RBPJ: variants seen among roughly 807,000 people sequenced by gnomAD.
The protein encoded by RBPJ is recombining binding protein suppressor of hairless.
Under a neutral mutation model 67.8 loss-of-function variants are expected in RBPJ, and 9 were observed. The ratio of observed to expected loss-of-function variants is 0.13; its 90% CI spans 0.08 to 0.23. The LOEUF (loss-of-function observed/expected upper bound fraction) is 0.23. Among genes scored for constraint, RBPJ ranks in the 10% least tolerant of loss-of-function variants. RBPJ has a pLI of 1.00. For missense variants in RBPJ, 305 were observed against 595.6 expected (o/e 0.51, Z 5.08); for synonymous variants, 198 against 203.3 (o/e 0.97, Z 0.22).
chr4:26,188,205 TCACACACACACACATA>T (rs1302893867), intron 1 of RBPJ, among the ~76,000 whole-genome samples: 2 of 151,122 alleles, frequency 1.3e-5, no homozygotes, highest in African/African-American at 4.9e-5. Context: ...CAAGACTCTG[TCACACACACACACATA>T]CACACACACA....
intron 1 of RBPJ, among the ~76,000 whole-genome samples, chr4:26,270,961 G>C (rs1273194580): frequency 6.6e-6 from 1 of 151,882 alleles, no homozygotes; most frequent in Non-Finnish European, 1.5e-5. Flanking sequence ...AGTACAATAA[G>C]ACATTTTGAG....
chr4:26,199,182 A>G (rs764687961), intron 1 of RBPJ, among the ~76,000 whole-genome samples: 19 of 152,214 alleles, frequency 1.2e-4, no homozygotes, highest in Non-Finnish European at 2.1e-4. Flanking sequence ...ACGGTGGCTC[A>G]TGCCTATAAT....
chr4:26,155,151 G>A, the RBPJ span, among the ~76,000 whole-genome samples: 1 of 152,194 alleles, frequency 6.6e-6, no homozygotes, highest in African/African-American at 2.4e-5. Flanking sequence ...AAGGAGGGGT[G>A]AATACCTGTA....
chr4:26,113,607 C>T, the RBPJ span: 4 of 380,814 alleles, frequency 1.1e-5, no homozygotes, highest in East Asian at 2.2e-4. Flanking sequence ...TCCTTCTGCC[C>T]CAGGTCAGCC....
intron 1 of RBPJ, among the ~76,000 whole-genome samples, chr4:26,177,894 C>T (rs1716852129): frequency 2.0e-5 from 3 of 152,202 alleles, no homozygotes; most frequent in Non-Finnish European, 2.9e-5. Context: ...CCATTGGCCT[C>T]GTACGTCATA....
At chr4:26,320,847 C>A (rs895345320), upstream of RBPJ, 20 of 1,567,958 alleles carry the variant, frequency 1.3e-5, no homozygotes, top group Middle Eastern at 1.7e-4. Flanking sequence ...CGAGCAGGAT[C>A]CCCTACTCTG....
At chr4:26,202,751 A>G (rs1367480470) in intron 1 of RBPJ, among the ~76,000 whole-genome samples, 1 of 151,924 alleles carries the variant, frequency 6.6e-6, no homozygotes, top group East Asian at 1.9e-4. Flanking sequence ...TTACAAAAAC[A>G]TACAAAAACT....
intron 1 of RBPJ, among the ~76,000 whole-genome samples, chr4:26,214,754 AAAAGAGAGAAAAAAGAGAAAG>A (rs1227013763): frequency 1.8e-5 from 1 of 56,402 alleles, no homozygotes; most frequent in African/African-American, 1.0e-4. Context: ...GAGAAAGAGA[AAAAGAGAGAAAAAAGAGAAAG>A]AAAGAAAGAA....
chr4:26,176,568 C>T (rs1400379082), intron 1 of RBPJ, among the ~76,000 whole-genome samples: 2 of 152,204 alleles, frequency 1.3e-5, no homozygotes, highest in Non-Finnish European at 2.9e-5. Context: ...AGACTGCTCC[C>T]CTCCTGTAAA....
At chr4:26,336,949 CTGATGGTCTT>C (rs1724895947) in intron 1 of RBPJ, among the ~76,000 whole-genome samples, 1 of 151,976 alleles carries the variant, frequency 6.6e-6, no homozygotes, top group Non-Finnish European at 1.5e-5. Flanking sequence ...GCTTCTGCCC[CTGATGGTCTT>C]TGTTTAGCGT....
chr4:26,409,417 G>C (rs1733796779), intron 3 of RBPJ, among the ~76,000 whole-genome samples: 1 of 152,086 alleles, frequency 6.6e-6, no homozygotes, highest in Non-Finnish European at 1.5e-5. Flanking sequence ...AAAAGAAAAA[G>C]ATCCAACATA....
intron 1 of RBPJ, among the ~76,000 whole-genome samples, chr4:26,342,673 A>AT (rs965417495): frequency 1.2e-4 from 18 of 151,978 alleles, no homozygotes; most frequent in Admixed American, 7.9e-4. Context: ...TTTATGTGGA[A>AT]TTTTTTTTGT....
intron 1 of RBPJ, among the ~76,000 whole-genome samples, chr4:26,210,291 C>G (rs1718339478): frequency 9.9e-5 from 15 of 152,126 alleles, no homozygotes; most frequent in Admixed American, 9.8e-4. Context: ...CGCACAGGAT[C>G]CCCTCCTCTT....
At chr4:26,147,184 G>A in the RBPJ span, among the ~76,000 whole-genome samples, 1 of 152,234 alleles carries the variant, frequency 6.6e-6, no homozygotes, top group East Asian at 1.9e-4. Context: ...GTTGCAAACA[G>A]TAAAGCTGAC....
intron 1 of RBPJ, among the ~76,000 whole-genome samples, chr4:26,284,259 T>C (rs1339822779): frequency 1.3e-5 from 2 of 152,212 alleles, no homozygotes; most frequent in African/African-American, 4.8e-5. Flanking sequence ...CATGCTCTAA[T>C]GTATTTCCTT....
At chr4:26,350,807 T>G (rs1311282291) in intron 1 of RBPJ, among the ~76,000 whole-genome samples, 1 of 152,152 alleles carries the variant, frequency 6.6e-6, no homozygotes, top group Non-Finnish European at 1.5e-5. Flanking sequence ...TTGCCATCAT[T>G]TAATATGGGA....
chr4:26,127,527 C>G, the RBPJ span, among the ~76,000 whole-genome samples: 1 of 152,016 alleles, frequency 6.6e-6, no homozygotes, highest in Non-Finnish European at 1.5e-5. Context: ...CATGTCTTGC[C>G]CATATACCAA....
At chr4:26,257,349 G>A (rs991899244) in intron 1 of RBPJ, among the ~76,000 whole-genome samples, 10 of 152,212 alleles carry the variant, frequency 6.6e-5, no homozygotes, top group African/African-American at 2.2e-4. Flanking sequence ...AGGTGGAGTC[G>A]CCGGGCACGG....
chr4:26,163,415 T>G (rs1053756892), upstream of RBPJ: 4 of 151,282 alleles, frequency 2.6e-5, no homozygotes, highest in Non-Finnish European at 5.9e-5. Flanking sequence ...TGTGTCTGCA[T>G]TTTTTCCCTT....
Sources: gnomAD v4.1 joint callset for allele counts (sites outside exome capture counted in the v4.1 genomes callset) on GRCh38, gnomAD v4.1.1 for gene constraint, MANE v1.5 for transcripts, NCBI Gene and HGNC (gene_info 2026-07-23, HGNC 2026-07-21) for gene names.